DCAF8: variants seen among roughly 807,000 people sequenced by gnomAD.
The protein encoded by DCAF8 is DDB1 and CUL4 associated factor 8.
DCAF8 carries 20 observed loss-of-function variants against 68.0 expected under a neutral mutation model. That is an observed-to-expected ratio of 0.29 (90% CI 0.21 to 0.43). The LOEUF (loss-of-function observed/expected upper bound fraction) is 0.43, where lower values mean the gene tolerates loss of function less well. Ranked by LOEUF, DCAF8 falls within the 20% of genes least tolerant of loss-of-function variation. The pLI, the probability that DCAF8 is intolerant of heterozygous loss-of-function variation, is 1.00. For synonymous variants in DCAF8, 230 were observed against 276.9 expected (o/e 0.83, Z 1.68); for missense variants, 460 against 771.0 (o/e 0.60, Z 4.78).
chr1:160,236,301 C>T (rs902129391), intron 6 of DCAF8, among the ~76,000 whole-genome samples: 1 of 150,576 alleles, frequency 6.6e-6, no homozygotes, highest in African/African-American at 2.5e-5. Flanking sequence ...TATATATATA[C>T]ATACATATAT....
intron 13 of DCAF8, chr1:160,218,008 C>G: frequency 2.0e-6 from 1 of 502,518 alleles, no homozygotes; most frequent in South Asian, 3.3e-5. Context: ...TGAACTAGGC[C>G]TCTTTTGGCA....
At chr1:160,238,355 CA>C (rs1655964112) in intron 5 of DCAF8, among the ~76,000 whole-genome samples, 1 of 152,192 alleles carries the variant, frequency 6.6e-6, no homozygotes, top group Non-Finnish European at 1.5e-5. Context: ...CAAAGATCTC[CA>C]AACCAACTAG....
chr1:160,239,313 A>C (rs1452492504), intron 4 of DCAF8: 1 of 1,182,448 alleles, frequency 8.5e-7, no homozygotes, highest in Non-Finnish European at 1.1e-6. Flanking sequence ...ATGTGTTATT[A>C]GTCCCATTTT....
At chr1:160,223,938 C>G (rs1655381556) in intron 10 of DCAF8, among the ~76,000 whole-genome samples, 1 of 152,136 alleles carries the variant, frequency 6.6e-6, no homozygotes, top group Admixed American at 6.5e-5. Flanking sequence ...CAAAACAAAA[C>G]ACATCAGATG....
chr1:160,239,588 T>TA (rs1656020978), intron 4 of DCAF8, 109 bp downstream of exon 4: 1 of 1,608,708 alleles, frequency 6.2e-7, no homozygotes, highest in Non-Finnish European at 8.5e-7. Flanking sequence ...CATGTCCCGA[T>TA]ATGTAATTCC....
chr1:160,218,880 T>A lies in DCAF8; in HGVS notation c.1529A>T (p.Glu510Val), dbSNP rs1330708266. The A allele has an allele frequency of 1.9e-6, 3 of 1,614,090 alleles. No homozygotes were observed. In the Admixed American group the frequency reaches 5.0e-5, roughly 27 times the overall value. The change falls in exon 12 of 14, where the codon GAA (glutamate) becomes GTA (valine). Residue 510 changes from glutamate (E) to valine (V), a missense_variant. By Grantham distance (121) the Glu-to-Val change is moderately radical. Transcript: ENST00000368074. ...HDVKIWAPTA[E>V]ASTELTGLKD... ...TAACCCTGTCAGCTCAGTGGAAGCT[T>A]CAGCTGTGGGTGCCCAGATCTTCAC...
intron 2 of DCAF8, among the ~76,000 whole-genome samples, chr1:160,247,270 A>C (rs1404391669): frequency 6.6e-6 from 1 of 152,250 alleles, no homozygotes; most frequent in East Asian, 1.9e-4. Flanking sequence ...AAGGTTAAAG[A>C]GTAACCCACT....
intron 6 of DCAF8, among the ~76,000 whole-genome samples, chr1:160,236,446 GTA>G (rs141525896): frequency 4.3e-4 from 64 of 149,402 alleles, no homozygotes; most frequent in African/African-American, 8.3e-4. Flanking sequence ...GTGTGTGTGT[GTA>G]TATATATATA....
chr1:160,224,591 A>G, intron 9 of DCAF8, 42 bp from the exon 10 acceptor site: 2 of 1,526,164 alleles, frequency 1.3e-6, no homozygotes, highest in African/African-American at 1.4e-5. Context: ...AAAGGCTGAA[A>G]AAAGCAGGGA....
rs1396581764 is a variant in DCAF8, at chr1:160,239,953, G to A, written c.467C>T (p.Pro156Leu). The A allele has an allele frequency of 5.6e-6, 9 of 1,614,242 alleles. No homozygotes were observed. Among genetic ancestry groups the A allele is most frequent in the South Asian group, 4.4e-5 (4 of 91,086 alleles). The change falls in exon 4 of 14, where the codon CCT (proline) becomes CTT (leucine). Residue 156 changes from proline (P) to leucine (L), a missense_variant. Pro to Leu is a moderately conservative substitution (Grantham distance 98, BLOSUM62 -3). This residue lies in a region of DCAF8 where 170 missense variants were observed against 318.2 expected (regional missense o/e 0.53). Transcript: ENST00000368074. ...ALPRPRWQAL[P>L]ALRERELGSS... ...ACCCAGCTCCCGCTCCCGAAGGGCAGGGAGGGCTTGCCAGCGAGGTCGGGG... is the reference window on the plus strand; with the variant it reads ...ACCCAGCTCCCGCTCCCGAAGGGCAAGGAGGGCTTGCCAGCGAGGTCGGGG...
chr1:160,241,447 G>GA (rs1656112643), intron 3 of DCAF8, among the ~76,000 whole-genome samples: 1 of 152,108 alleles, frequency 6.6e-6, no homozygotes, highest in African/African-American at 2.4e-5. Context: ...TGCCTAAGAC[G>GA]AAAGTTCAGT....
chr1:160,226,320 C>T (rs1655471470), intron 7 of DCAF8, among the ~76,000 whole-genome samples: 1 of 152,098 alleles, frequency 6.6e-6, no homozygotes. Context: ...CCCTCTCATA[C>T]CCCACAATAA....
chr1:160,239,739 T>C lies in DCAF8; in HGVS notation c.681A>G (p.Pro227=). The C allele has an allele frequency of 6.2e-7, 1 of 1,613,840 alleles. No homozygotes were observed. The highest frequency in any genetic ancestry group is 8.5e-7 in the Non-Finnish European group (1 of 1,179,958). ...VVVWDWVRRQ[P]VLDFESGHKS... ...TGTGGCCACTCTCAAAGTCCAGTACTGGCTGCCGCCGTACCCAATCCCACA... is the reference window on the plus strand; with the variant it reads ...TGTGGCCACTCTCAAAGTCCAGTACCGGCTGCCGCCGTACCCAATCCCACA... Residue 227 remains proline, a synonymous_variant, in exon 4 of 14, where the codon CCA becomes CCG. Transcript: ENST00000368074.
intron 4 of DCAF8, 81 bp downstream of exon 4, chr1:160,239,616 A>G: frequency 6.2e-7 from 1 of 1,613,680 alleles, no homozygotes; most frequent in Non-Finnish European, 8.5e-7. Context: ...ACTCACTATC[A>G]GCTCCCAATC....
chr1:160,218,228 G>T, intron 13 of DCAF8, 96 bp downstream of exon 13: 1 of 908,594 alleles, frequency 1.1e-6, no homozygotes, highest in Non-Finnish European at 1.8e-6. Context: ...ATCCGACCAA[G>T]ATCACCTGAT....
chr1:160,262,089 G>A, intron 1 of DCAF8: 1 of 367,078 alleles, frequency 2.7e-6, no homozygotes, highest in East Asian at 3.9e-5. Context: ...CTGTGCGGCT[G>A]GCTCTTGGGG....
Position 160,261,287 on chromosome 1 carries a change from TTCC to T in DCAF8, c.-32_-30del, listed in dbSNP as rs1177650039. 2 of 152,252 alleles carry T rather than the reference TTCC, an allele frequency of 1.3e-5. No homozygotes were observed. The highest frequency in any genetic ancestry group is 4.8e-5 in the African/African-American group (2 of 41,460). 9.4% of individuals were successfully genotyped at this position (152,252 alleles called of 1,614,324 possible). On this transcript the variant is annotated 5_prime_UTR_variant, in exon 2 of 14. Transcript: ENST00000368074. ...TAATGCCTCCAACTCCCACTCACCT[TTCC>T]TCCTTTTATCACTGAAGTAAGGCCA...
rs1433736010 is a variant in DCAF8 at position 160,248,463 on chromosome 1, T to C, written c.-26-4429A>G. 2.6e-5 allele frequency among the ~76,000 whole-genome samples: 4 copies of C among 151,976 alleles called. No homozygotes were observed. In the East Asian group the frequency reaches 7.7e-4, roughly 29 times the overall value. On this transcript the variant is annotated intron_variant, in intron 2 of 13. Transcript: ENST00000368074. ...TGTCGCAACAGGCTGGGGCTGGGCGTGGAGGCTCACGCCTGTAATCCCATC... is the reference window on the plus strand; with the variant it reads ...TGTCGCAACAGGCTGGGGCTGGGCGCGGAGGCTCACGCCTGTAATCCCATC...
At chr1:160,218,556 C>T (rs1655198548) in intron 12 of DCAF8, 116 bp from the exon 13 acceptor site, 2 of 859,788 alleles carry the variant, frequency 2.3e-6, no homozygotes, top group African/African-American at 1.7e-5. Context: ...AGTGGAGCTA[C>T]ATTAGATTAG....
Sources: gnomAD v4.1 joint callset for allele counts (sites outside exome capture counted in the v4.1 genomes callset) on GRCh38, gnomAD v4.1.1 for gene constraint, gnomAD v4.1.1 regional missense constraint, MANE v1.5 for transcripts, NCBI Gene and HGNC (gene_info 2026-07-23, HGNC 2026-07-21) for gene names.